Variants in DNAH14 observed in about 807,000 individuals in gnomAD.
DNAH14 encodes dynein axonemal heavy chain 14, also known as axonemal beta dynein heavy chain 14.
A neutral mutation model predicts 520.9 loss-of-function variants in DNAH14; 478 were observed. The ratio of observed to expected loss-of-function variants is 0.92; its 90% CI spans 0.85 to 0.99. The LOEUF (loss-of-function observed/expected upper bound fraction) is 0.99. DNAH14 is among the 50% of genes least tolerant of loss of function. The pLI is 0.00. For synonymous variants in DNAH14, 1,581 were observed against 1,757.2 expected, an observed-to-expected ratio of 0.90 and a Z score of 2.51; for missense variants, 4,831 against 5,234.5, an observed-to-expected ratio of 0.92 and a Z score of 2.38.
chr1:225,099,997 A>G (rs900789229), intron 22 of DNAH14, among the ~76,000 whole-genome samples: 1 of 152,186 alleles, frequency 6.6e-6, no homozygotes, highest in African/African-American at 2.4e-5. Flanking sequence ...ACAGAAAAAA[A>G]AGAAATAATG....
intron 55 of DNAH14, among the ~76,000 whole-genome samples, chr1:225,299,182 A>C (rs955995141): frequency 6.6e-6 from 1 of 152,214 alleles, no homozygotes; most frequent in Admixed American, 6.5e-5. Flanking sequence ...AAAAATTGCT[A>C]ATCACTCACT....
At chr1:225,040,854 G>C (rs1345145493) in intron 12 of DNAH14, among the ~76,000 whole-genome samples, 1 of 152,080 alleles carries the variant, frequency 6.6e-6, no homozygotes. Context: ...AATTTTTATT[G>C]CTCCATAAGC....
chr1:224,931,122 G>C (rs116374439), intron 1 of DNAH14, among the ~76,000 whole-genome samples: 227 of 152,128 alleles, frequency 1.5e-3, no homozygotes, highest in African/African-American at 5.2e-3. Flanking sequence ...CTATGCCTAG[G>C]CTAATGTGTG....
Position 225,377,372 on chromosome 1 carries a change from G to A in DNAH14, c.12652G>A (p.Glu4218Lys), listed in dbSNP as rs1033916036. 4.5e-6 allele frequency: 7 copies of A among 1,551,084 alleles called. No homozygotes were observed. The highest frequency in any genetic ancestry group is 4.1e-5 in the African/African-American group (3 of 73,022). The change falls in exon 79 of 86, where the codon GAA becomes AAA. Residue 4218 changes from glutamate (E) to lysine (K), a missense_variant. Coordinates refer to ENST00000682510, the MANE Select transcript of DNAH14 (RefSeq NM_001367479.1). ...CAGGAGCTGCTGGGAGACCCAGGGC[G>A]AAAAGTTTATTGAAAATCTGATTGC... Reference protein sequence around the residue: ...AIRSCWETQGEKFIENLIAMQ... With the variant: ...AIRSCWETQGKKFIENLIAMQ...
chr1:225,147,367 T>C, intron 31 of DNAH14, 118 bp downstream of exon 31: 1 of 1,092,178 alleles, frequency 9.2e-7, no homozygotes, highest in Non-Finnish European at 1.2e-6. Flanking sequence ...GTGTTTTTTT[T>C]TTAAAGCACA....
In DNAH14 at chr1:225,272,009, G is replaced by C. The variant is rs368246646; in HGVS notation, c.7775G>C (p.Arg2592Pro). ...TCCCTAGCTATATACCATCAAGTAC[G>C]TCAGAATATGTTACCAACTCCAACA... ...SCSLAIYHQVRQNMLPTPTKC... is the reference protein window; with the variant it reads ...SCSLAIYHQVPQNMLPTPTKC... Residue 2592 changes from arginine to proline, a missense_variant, in exon 51 of 86, where the codon CGT becomes CCT. By Grantham distance (103) the Arg-to-Pro change is moderately radical (BLOSUM62 -2). Transcript: ENST00000682510. 13 of 1,550,540 alleles carry C rather than the reference G, an allele frequency of 8.4e-6. No homozygotes were observed. The highest frequency in any genetic ancestry group is 9.6e-6 in the Non-Finnish European group (11 of 1,146,536).
chr1:225,318,624 C>G lies in DNAH14; in HGVS notation c.9282C>G (p.Asp3094Glu). ...TAAAAAGTGTGCTGCCAGCCTTTGA[C>G]AAGGCAATTGTGGCTCTGAATGCCC... ...NELKSVLPAF[D>E]KAIVALNALD... Residue 3094 changes from aspartate (D) to glutamate (E), a missense_variant, in exon 61 of 86, where the codon GAC (aspartate) becomes GAG (glutamate). Physicochemically the swap from Asp to Glu is conservative, Grantham distance 45. Transcript: ENST00000682510. 1 of 1,549,356 alleles carries G rather than the reference C, an allele frequency of 6.5e-7. No homozygotes were observed. The highest frequency in any genetic ancestry group is 2.0e-5 in the Admixed American group (1 of 50,634).
intron 11 of DNAH14, among the ~76,000 whole-genome samples, chr1:225,037,435 A>C (rs2067069561): frequency 6.6e-6 from 1 of 152,064 alleles, no homozygotes; most frequent in Admixed American, 6.5e-5. Flanking sequence ...AAATAATATA[A>C]CCCATTATTT....
At chr1:225,372,000 T>A (rs965443972) in intron 77 of DNAH14, among the ~76,000 whole-genome samples, 4 of 152,186 alleles carry the variant, frequency 2.6e-5, no homozygotes, top group Non-Finnish European at 5.9e-5. Flanking sequence ...TTATCCTCAT[T>A]TTACAGATAG....
At chr1:225,036,174 C>T (rs1329766741) in intron 11 of DNAH14, among the ~76,000 whole-genome samples, 1 of 152,094 alleles carries the variant, frequency 6.6e-6, no homozygotes, top group Non-Finnish European at 1.5e-5. Flanking sequence ...CCCACACTCT[C>T]ACCTGGGATG....
chr1:225,007,662 T>G, intron 10 of DNAH14, 118 bp downstream of exon 10: 14 of 777,156 alleles, frequency 1.8e-5, no homozygotes, highest in Non-Finnish European at 2.4e-5. Flanking sequence ...CAAAGGTGGT[T>G]AATTAACCAA....
intron 84 of DNAH14, chr1:225,397,756 T>G (rs1050079206): frequency 6.6e-6 from 1 of 152,140 alleles, no homozygotes; most frequent in African/African-American, 2.4e-5. Context: ...CAAAAATATA[T>G]GGAACCCGGC....
intron 66 of DNAH14, among the ~76,000 whole-genome samples, chr1:225,335,587 ATATG>A (rs1302913289): frequency 1.3e-5 from 1 of 75,110 alleles, no homozygotes. Flanking sequence ...ATATGTGCAT[ATATG>A]TATATACGCA....
intron 75 of DNAH14, among the ~76,000 whole-genome samples, chr1:225,362,938 CAA>C (rs548828324): frequency 4.6e-5 from 7 of 151,984 alleles, no homozygotes; most frequent in Non-Finnish European, 1.0e-4. Flanking sequence ...GAGGAAAAAA[CAA>C]AAGAGAAAAG....
chr1:225,329,188 A>C (rs1017671117), intron 64 of DNAH14, among the ~76,000 whole-genome samples: 6 of 152,188 alleles, frequency 3.9e-5, no homozygotes, highest in Admixed American at 3.9e-4. Flanking sequence ...ACATCAGTGT[A>C]GATTTGACAA....
chr1:225,104,847 C>T (rs189100255), intron 23 of DNAH14, among the ~76,000 whole-genome samples: 53 of 152,244 alleles, frequency 3.5e-4, no homozygotes. Flanking sequence ...CTCCTAGATT[C>T]ATTGATTTTT....
chr1:225,076,560 A>C (rs2148532727), intron 17 of DNAH14, among the ~76,000 whole-genome samples: 1 of 152,264 alleles, frequency 6.6e-6, no homozygotes, highest in South Asian at 2.1e-4. Flanking sequence ...CCCTGTTATT[A>C]TCTGCAAAGC....
At chr1:225,105,059 G>A (rs1235153058) in intron 23 of DNAH14, among the ~76,000 whole-genome samples, 2 of 152,212 alleles carry the variant, frequency 1.3e-5, no homozygotes, top group African/African-American at 4.8e-5. Flanking sequence ...TGCTTTGAAT[G>A]TGTCCCATAG....
chr1:225,288,914 A>G (rs2093805681), intron 54 of DNAH14, among the ~76,000 whole-genome samples: 1 of 152,140 alleles, frequency 6.6e-6, no homozygotes. Context: ...ATTTCTTATA[A>G]AGTTTAACAT....
Sources: allele counts gnomAD v4.1 joint callset (sites outside exome capture counted in the v4.1 genomes callset), GRCh38; gene constraint gnomAD v4.1.1; transcripts MANE v1.5; gene names NCBI Gene and HGNC (gene_info 2026-07-23, HGNC 2026-07-21).